Variants in ANKRD30A observed in about 807,000 individuals in gnomAD.
ANKRD30A encodes the protein ankyrin repeat domain 30A.
A neutral mutation model predicts 166.3 loss-of-function variants in ANKRD30A; 170 were observed. That is an observed-to-expected ratio of 1.02 (90% CI 0.90 to 1.16). The LOEUF (loss-of-function observed/expected upper bound fraction) is 1.16. ANKRD30A is among the 50% of genes most tolerant of loss of function. The pLI is 0.00. For missense variants in ANKRD30A, 1,630 were observed against 1,518.0 expected (o/e 1.07, Z -1.23); for synonymous variants, 564 against 508.9 (o/e 1.11, Z -1.46).
At chr10:37,260,999 T>G in the ANKRD30A span, among the ~76,000 whole-genome samples, 1 of 26,628 alleles carries the variant, frequency 3.8e-5, no homozygotes, top group Non-Finnish European at 6.4e-5. Context: ...CATTCCACAA[T>G]ATCTTTTTAA....
Position 37,149,830 on chromosome 10 carries a change from T to G in ANKRD30A, c.1626T>G (p.Asn542Lys), listed in dbSNP as rs769829463. 6.2e-7 allele frequency: 1 copy of G among 1,612,674 alleles called. No individual in the cohort carries two copies. The highest frequency in any genetic ancestry group is 1.3e-5 in the African/African-American group (1 of 74,864). The change falls in exon 11 of 36, where the codon AAT becomes AAG. Residue 542 changes from asparagine (N) to lysine (K), a missense_variant. This residue lies in a region of ANKRD30A where 904 missense variants were observed against 818.5 expected (regional missense o/e 1.10). Coordinates refer to ENST00000361713, the MANE Select transcript of ANKRD30A (RefSeq NM_052997.3). ...SVPNKAFELK[N>K]EQTLRADPMF... ...CAAATAAAGCCTTTGAATTGAAGAA[T>G]GAACAAACATTGAGAGCAGGTAAAT...
intron 18 of ANKRD30A, 60 bp downstream of exon 18, chr10:37,165,215 C>G: frequency 2.7e-6 from 4 of 1,471,420 alleles, no homozygotes; most frequent in Non-Finnish European, 3.8e-6. Context: ...AACATAAAAT[C>G]AGATGCTTAG....
chr10:37,133,818 AT>A (rs1351275172), intron 4 of ANKRD30A, 97 bp from the exon 5 acceptor site: 3 of 1,390,832 alleles, frequency 2.2e-6, no homozygotes, highest in Non-Finnish European at 2.0e-6. Flanking sequence ...CAAGATACTT[AT>A]GTTTGTTGGT....
downstream of ANKRD30A, among the ~76,000 whole-genome samples, chr10:37,236,889 G>A (rs1588974775): frequency 3.3e-5 from 5 of 152,258 alleles, no homozygotes; most frequent in South Asian, 8.3e-4. Flanking sequence ...CACCTGGCTT[G>A]ATAACATTTT....
At chr10:37,192,922 A>T in intron 25 of ANKRD30A, 142 bp from the exon 26 acceptor site, 2 of 1,475,512 alleles carry the variant, frequency 1.4e-6, no homozygotes, top group Non-Finnish European at 1.9e-6. Context: ...CAAATACAGT[A>T]ACCCAAAAGA....
chr10:37,130,942 G>T (rs1404758309), intron 3 of ANKRD30A, among the ~76,000 whole-genome samples: 3 of 152,082 alleles, frequency 2.0e-5, no homozygotes, highest in Non-Finnish European at 4.4e-5. Context: ...TTTTGGTAAA[G>T]ATTTCAAGGT....
the ANKRD30A span, among the ~76,000 whole-genome samples, chr10:37,264,171 C>G: frequency 1.3e-5 from 2 of 152,180 alleles, no homozygotes; most frequent in Non-Finnish European, 2.9e-5. Context: ...CATTCAGCCA[C>G]TCTCTCACCA....
chr10:37,240,419 C>G, the ANKRD30A span, among the ~76,000 whole-genome samples: 38 of 152,244 alleles, frequency 2.5e-4, no homozygotes, highest in Non-Finnish European at 1.0e-4. Flanking sequence ...AGTTCATAAG[C>G]AGTCACGTGA....
At position 37,149,795 on chromosome 10, in the gene ANKRD30A, A is replaced by T. The variant is rs766758057; in HGVS notation, c.1591A>T (p.Asn531Tyr). The T allele has an allele frequency of 6.2e-7, 1 of 1,612,974 alleles. No homozygotes were observed. Among genetic ancestry groups the T allele is most frequent in the East Asian group, 2.2e-5 (1 of 44,766 alleles). The change falls in exon 11 of 36, where the codon AAC becomes TAC. Residue 531 changes from asparagine to tyrosine, a missense_variant. By Grantham distance (143) the Asn-to-Tyr change is moderately radical. Coordinates refer to ENST00000361713, the MANE Select transcript of ANKRD30A (RefSeq NM_052997.3). ...SAFKPAIEMQ[N>Y]SVPNKAFELK... ...CATTTAGCCTGCCATTGAAATGCAA[A>T]ACTCTGTTCCAAATAAAGCCTTTGA...
chr10:37,218,935 C>G, intron 33 of ANKRD30A, 45 bp from the exon 34 acceptor site: 1 of 1,250,178 alleles, frequency 8.0e-7, no homozygotes, highest in Non-Finnish European at 1.1e-6. Flanking sequence ...CCATGATATG[C>G]CATTTTATTG....
chr10:37,192,335 C>T (rs1024398845), intron 25 of ANKRD30A, among the ~76,000 whole-genome samples: 7 of 152,024 alleles, frequency 4.6e-5, no homozygotes, highest in Non-Finnish European at 1.5e-5. Flanking sequence ...TGAGCCACTG[C>T]ACCTGGCCTG....
intron 5 of ANKRD30A, among the ~76,000 whole-genome samples, chr10:37,134,572 A>G (rs545266596): frequency 6.6e-6 from 1 of 152,302 alleles, no homozygotes; most frequent in Admixed American, 6.5e-5. Flanking sequence ...ATGGTGATCC[A>G]TATGTAGATT....
chr10:37,192,187 C>G (rs1483893674), intron 25 of ANKRD30A, among the ~76,000 whole-genome samples: 1 of 151,910 alleles, frequency 6.6e-6, no homozygotes, highest in Non-Finnish European at 1.5e-5. Context: ...CAGGCCTGTG[C>G]CACCATACCT....
At chr10:37,211,984 C>CCAACCACTATGGT (rs1202170348) in intron 31 of ANKRD30A, among the ~76,000 whole-genome samples, 106 of 151,966 alleles carry the variant, frequency 7.0e-4, no homozygotes, top group African/African-American at 2.5e-3. Flanking sequence ...TGGTTCACCA[C>CCAACCACTATGGT]TCCTATTCAA....
intron 15 of ANKRD30A, among the ~76,000 whole-genome samples, chr10:37,161,791 A>G (rs1838899912): frequency 6.6e-6 from 1 of 152,150 alleles, no homozygotes; most frequent in African/African-American, 2.4e-5. Context: ...ATGTTTAAGG[A>G]AGTGTGTTGT....
At chr10:37,256,227 T>A in the ANKRD30A span, among the ~76,000 whole-genome samples, 1 of 152,214 alleles carries the variant, frequency 6.6e-6, no homozygotes, top group Non-Finnish European at 1.5e-5. Flanking sequence ...TCTCCCTGAA[T>A]GTGATTACCC....
chr10:37,221,201 AAGC>A (rs1337144822), intron 34 of ANKRD30A, among the ~76,000 whole-genome samples: 2 of 151,140 alleles, frequency 1.3e-5, no homozygotes, highest in African/African-American at 4.8e-5. Context: ...ATTCAGTAAT[AAGC>A]AGCAATGGGT....
intron 7 of ANKRD30A, among the ~76,000 whole-genome samples, chr10:37,144,013 A>T (rs1158887983): frequency 6.6e-6 from 1 of 152,014 alleles, no homozygotes; most frequent in African/African-American, 2.4e-5. Context: ...CAGAAGCTCA[A>T]TTTACACATT....
Position 37,218,970 on chromosome 10 carries a change from T to G in ANKRD30A, c.3268-10T>G. 7 of 1,544,074 alleles carry G rather than the reference T, an allele frequency of 4.5e-6. No homozygotes were observed. Among genetic ancestry groups the G allele is most frequent in the Non-Finnish European group, 6.1e-6 (7 of 1,143,550 alleles). On this transcript the variant is annotated splice_polypyrimidine_tract_variant and intron_variant, in intron 33 of 35. Transcript: ENST00000361713. ...GAGTGCTAGCTAAAAGTTTATTTTG[T>G]TTTATTTAGGTTTCTCACACTCATG...
Sources: allele counts gnomAD v4.1 joint callset (sites outside exome capture counted in the v4.1 genomes callset), GRCh38; gene constraint gnomAD v4.1.1; regional missense constraint gnomAD v4.1.1; transcripts MANE v1.5; gene names NCBI Gene and HGNC (gene_info 2026-07-23, HGNC 2026-07-21).